PAX3: variants seen among roughly 807,000 people sequenced by gnomAD.
PAX3 encodes paired box protein Pax-3.
A neutral mutation model predicts 51.6 loss-of-function variants in PAX3; 14 were observed. The observed-to-expected ratio is 0.27, with a 90% CI of 0.18 to 0.42. The LOEUF (loss-of-function observed/expected upper bound fraction) is 0.42. PAX3 is among the 10% of genes least tolerant of loss of function. The probability of loss-of-function intolerance (pLI) is 1.00; values close to 1 mark genes in which losing one functional copy is unlikely to be tolerated. For synonymous variants in PAX3, 280 were observed against 253.4 expected, an observed-to-expected ratio of 1.11 and a Z score of -1.00; for missense variants, 540 against 642.8, an observed-to-expected ratio of 0.84 and a Z score of 1.73.
intron 4 of PAX3, among the ~76,000 whole-genome samples, chr2:222,285,191 C>G (rs45505592): frequency 0.022 from 3,349 of 152,264 alleles, 76 homozygotes; most frequent in Non-Finnish European, 0.028. Flanking sequence ...TTGATTGAGA[C>G]ACACACATGC....
At chr2:222,290,978 G>A (rs1695012371) in intron 4 of PAX3, among the ~76,000 whole-genome samples, 1 of 152,024 alleles carries the variant, frequency 6.6e-6, no homozygotes, top group Non-Finnish European at 1.5e-5. Flanking sequence ...CTAGATGAAA[G>A]TGAGAAGGAC....
At chr2:222,255,589 T>G (rs190321980) in intron 4 of PAX3, among the ~76,000 whole-genome samples, 1 of 152,236 alleles carries the variant, frequency 6.6e-6, no homozygotes, top group Non-Finnish European at 1.5e-5. Context: ...CTTGGCATTT[T>G]ACATATAGGA....
intron 4 of PAX3, among the ~76,000 whole-genome samples, chr2:222,292,728 C>T (rs1695089064): frequency 1.3e-5 from 2 of 152,164 alleles, no homozygotes; most frequent in South Asian, 4.1e-4. Context: ...AAGGTGTCTT[C>T]TCAGAGACCA....
intron 7 of PAX3, among the ~76,000 whole-genome samples, chr2:222,203,772 A>G (rs539961988): frequency 6.6e-6 from 1 of 152,316 alleles, no homozygotes; most frequent in East Asian, 1.9e-4. Flanking sequence ...TTCTTGAACT[A>G]AAGCTCTGAG....
chr2:222,221,352 C>T lies in PAX3; in HGVS notation c.828G>A (p.Lys276=). 6.2e-7 allele frequency: 1 copy of T among 1,614,044 alleles called. No homozygotes were observed. The highest frequency in any genetic ancestry group is 2.2e-5 in the East Asian group (1 of 44,880). The change falls in exon 6 of 9, where the codon AAG becomes AAA. Residue 276 remains lysine (K), a synonymous_variant. Transcript: ENST00000392070. ...WFSNRRARWR[K]QAGANQLMAF... is the part of the protein sequence containing the mutation. Reference sequence around the variant, plus strand: ...CCATCAGTTGATTGGCCCCAGCTTGCTTCCTCCATCTTGCACGGCGGTTGC... The same window carrying T: ...CCATCAGTTGATTGGCCCCAGCTTGTTTCCTCCATCTTGCACGGCGGTTGC...
In PAX3 at chr2:222,221,662, G is replaced by A. The variant is rs751942808; in HGVS notation, c.793-275C>T. On this transcript the variant is annotated intron_variant, in intron 5 of 8. Coordinates refer to ENST00000392070, the MANE Select transcript of PAX3 (RefSeq NM_181458.4). ...ACCATGGGCAGGAATCACTGAGCAG[G>A]AGTAGGAACAACAGGAACTCCCCTC... 28 of 416,952 alleles carry A rather than the reference G, an allele frequency of 6.7e-5. No individual in the cohort carries two copies. In the Middle Eastern group the frequency reaches 2.1e-3, roughly 32 times the overall value. The allele number at this position is 416,952 out of a possible 1,614,324, so 25.8% of individuals were successfully genotyped here.
chr2:222,201,314 G>A lies in PAX3; in HGVS notation c.*94C>T, dbSNP rs905087691. The A allele has an allele frequency of 2.2e-5, 36 of 1,606,650 alleles. No individual in the cohort carries two copies. The highest frequency in any genetic ancestry group is 1.6e-4 in the East Asian group (7 of 43,410). ...CACTGCCCCACCCCCCCCAACAAAAGGGTAATTTTTTTTTGTTTTCAGAGC... is the reference window on the plus strand; with the variant it reads ...CACTGCCCCACCCCCCCCAACAAAAAGGTAATTTTTTTTTGTTTTCAGAGC... On this transcript the variant is annotated 3_prime_UTR_variant, in exon 9 of 9. Coordinates refer to ENST00000392070, the MANE Select transcript of PAX3 (RefSeq NM_181458.4).
chr2:222,265,655 G>GAAGGAAGGAAGGAAGGAAGGAAGT (rs1694024493), intron 4 of PAX3, among the ~76,000 whole-genome samples: 3 of 139,952 alleles, frequency 2.1e-5, no homozygotes, highest in Non-Finnish European at 4.8e-5. Context: ...AAGAAGGAAG[G>GAAGGAAGGAAGGAAGGAAGGAAGT]AAGGAAGGAA....
chr2:222,228,274 G>A (rs1037015028), intron 5 of PAX3, among the ~76,000 whole-genome samples: 3 of 152,212 alleles, frequency 2.0e-5, no homozygotes, highest in African/African-American at 7.2e-5. Flanking sequence ...AATGTCAAGA[G>A]TCACCGGGTT....
chr2:222,269,651 T>A (rs1428059466), intron 4 of PAX3, among the ~76,000 whole-genome samples: 2 of 131,698 alleles, frequency 1.5e-5, no homozygotes, highest in African/African-American at 5.4e-5. Context: ...TCTCCCACCT[T>A]TCCATAAAAA....
At chr2:222,247,547 A>G (rs1378894302) in intron 4 of PAX3, among the ~76,000 whole-genome samples, 1 of 152,158 alleles carries the variant, frequency 6.6e-6, no homozygotes, top group African/African-American at 2.4e-5. Context: ...GAGGAATGAA[A>G]TGATACCTCC....
chr2:222,233,279 C>A (rs1692678751), intron 4 of PAX3, among the ~76,000 whole-genome samples: 1 of 152,038 alleles, frequency 6.6e-6, no homozygotes. Context: ...TGTGTATTTG[C>A]CTGTACTCAC....
At chr2:222,238,816 T>A (rs1213661495) in intron 4 of PAX3, among the ~76,000 whole-genome samples, 3 of 152,254 alleles carry the variant, frequency 2.0e-5, no homozygotes, top group Middle Eastern at 3.4e-3. Context: ...ATACTGCGAG[T>A]CTGATCACTT....
At chr2:222,207,723 G>A (rs908701536) in intron 7 of PAX3, among the ~76,000 whole-genome samples, 3 of 152,094 alleles carry the variant, frequency 2.0e-5, no homozygotes, top group African/African-American at 7.2e-5. Context: ...GCTCAATAGA[G>A]CTAAGTGTTA....
At chr2:222,252,946 G>T (rs1209120754) in intron 4 of PAX3, among the ~76,000 whole-genome samples, 1 of 152,098 alleles carries the variant, frequency 6.6e-6, no homozygotes, top group African/African-American at 2.4e-5. Context: ...CAGACTCAGT[G>T]ACCTCTGACA....
intron 4 of PAX3, among the ~76,000 whole-genome samples, chr2:222,292,680 A>C (rs1354294856): frequency 1.3e-5 from 2 of 152,150 alleles, no homozygotes; most frequent in Non-Finnish European, 2.9e-5. Flanking sequence ...CTCCCTTCTC[A>C]GCACCTCTAT....
intron 5 of PAX3, 21 bp downstream of exon 5, chr2:222,232,057 C>T (rs776293123): frequency 2.9e-5 from 47 of 1,609,138 alleles, no homozygotes; most frequent in Admixed American, 1.2e-4. Context: ...AAGTAGGACA[C>T]GGAGGTTTGG....
chr2:222,238,996 C>T (rs552932369), intron 4 of PAX3, among the ~76,000 whole-genome samples: 8 of 152,300 alleles, frequency 5.3e-5, no homozygotes, highest in South Asian at 4.1e-4. Flanking sequence ...AGCCCTTTTA[C>T]GCTGAGAAAG....
intron 4 of PAX3, among the ~76,000 whole-genome samples, chr2:222,278,860 C>T (rs1288075112): frequency 6.6e-6 from 1 of 152,354 alleles, no homozygotes; most frequent in East Asian, 1.9e-4. Flanking sequence ...GTTGTCAGCT[C>T]TCAGCGTCCT....
Sources: allele counts gnomAD v4.1 joint callset (sites outside exome capture counted in the v4.1 genomes callset), GRCh38; gene constraint gnomAD v4.1.1; transcripts MANE v1.5; gene names NCBI Gene and HGNC (gene_info 2026-07-23, HGNC 2026-07-21).